DUOX1: variants seen among roughly 807,000 people sequenced by gnomAD.
DUOX1 encodes NADPH thyroid oxidase 1.
In DUOX1, 134 loss-of-function variants were observed where a neutral mutation model predicts 181.8. That is an observed-to-expected ratio of 0.74 (90% CI 0.64 to 0.85). The LOEUF (loss-of-function observed/expected upper bound fraction) is 0.85, where lower values mean the gene tolerates loss of function less well. DUOX1 is among the 40% of genes least tolerant of loss of function. The pLI is 0.00. For missense variants in DUOX1, 1,814 were observed against 2,064.4 expected (o/e 0.88, Z 2.35); for synonymous variants, 798 against 832.5 (o/e 0.96, Z 0.71).
intron 25 of DUOX1, chr15:45,152,771 A>G (rs1238456903): frequency 6.9e-6 from 4 of 580,440 alleles, no homozygotes; most frequent in African/African-American, 5.6e-5. Context: ...ATGAGTGTGC[A>G]TAATGTGTCA....
chr15:45,159,892 C>T (rs780972951), intron 28 of DUOX1, among the ~76,000 whole-genome samples: 1 of 152,164 alleles, frequency 6.6e-6, no homozygotes, highest in African/African-American at 2.4e-5. Context: ...CGGTGGCTCA[C>T]ACCTGTAATC....
chr15:45,146,791 C>T (rs930064014), intron 18 of DUOX1, among the ~76,000 whole-genome samples: 1 of 152,186 alleles, frequency 6.6e-6, no homozygotes, highest in Non-Finnish European at 1.5e-5. Flanking sequence ...GCAGGAAAGA[C>T]AGGTACTGTG....
At position 45,141,737 on chromosome 15, in the gene DUOX1, A is replaced by G. The variant is rs1896496587; in HGVS notation, c.1685-238A>G. Among the ~76,000 whole-genome samples the G allele has an allele frequency of 4.9e-5, 7 of 142,704 alleles. No homozygotes were observed. In the Admixed American group the frequency reaches 5.0e-4, roughly 10 times the overall value. The allele number at this position is 142,704 out of a possible 152,430, so 93.6% of individuals were successfully genotyped here. A position where few individuals can be genotyped will look rare whatever the true frequency, so the allele number is the denominator to read the frequency against. On this transcript the variant is annotated intron_variant, in intron 14 of 33. Coordinates refer to ENST00000389037, the MANE Select transcript of DUOX1 (RefSeq NM_175940.3). ...TGCAGTGAGGATATCCCAACCCTAC[A>G]GCAGTGAGGGAAGCGTGTGTGTGTG... is the stretch of plus-strand genomic sequence containing the variant.
intron 12 of DUOX1, chr15:45,139,977 C>T (rs1381778647): frequency 1.1e-6 from 1 of 899,342 alleles, no homozygotes; most frequent in Non-Finnish European, 1.7e-6. Context: ...TCAGCTGTTA[C>T]ACCCTGAGCT....
Position 45,163,780 on chromosome 15 carries a change from C to T in DUOX1, c.4405-10C>T, listed in dbSNP as rs775436881. ...CTGGCTGAACTTTGTTCCACCCTTC[C>T]CTACCATAGTACATCTGTGAGCGGC... On this transcript the variant is annotated splice_polypyrimidine_tract_variant and intron_variant, in intron 32 of 33. Coordinates refer to ENST00000389037, the MANE Select transcript of DUOX1 (RefSeq NM_175940.3). 1 of 1,613,976 alleles carries T rather than the reference C, an allele frequency of 6.2e-7. No homozygotes were observed. The highest frequency in any genetic ancestry group is 8.5e-7 in the Non-Finnish European group (1 of 1,179,898).
chr15:45,162,036 C>T lies in DUOX1; in HGVS notation c.4089+66C>T, dbSNP rs1047103235. On this transcript the variant is annotated intron_variant, in intron 30 of 33. Transcript: ENST00000389037. Reference sequence around the variant, plus strand: ...CCCTTTGAAGGCTTTGGCCCGGCAGCACTAGACTCCCCGCTCTGTGCCTCC... The same window carrying T: ...CCCTTTGAAGGCTTTGGCCCGGCAGTACTAGACTCCCCGCTCTGTGCCTCC... The T allele has an allele frequency of 9.3e-6, 14 of 1,506,350 alleles. No individual in the cohort carries two copies. In the African/African-American group the frequency reaches 1.9e-4, roughly 21 times the overall value. 93.3% of individuals were successfully genotyped at this position (1,506,350 alleles called of 1,614,324 possible).
chr15:45,134,968 G>C, intron 4 of DUOX1, 136 bp from the exon 5 acceptor site: 1 of 967,564 alleles, frequency 1.0e-6, no homozygotes, highest in East Asian at 2.7e-5. Context: ...GAGTGCCTAA[G>C]GTCAGGGCTT....
At chr15:45,151,404 G>A (rs1896799243) in intron 23 of DUOX1, among the ~76,000 whole-genome samples, 156 bp downstream of exon 23, 1 of 152,138 alleles carries the variant, frequency 6.6e-6, no homozygotes, top group Non-Finnish European at 1.5e-5. Flanking sequence ...AAGAGAATCT[G>A]GTACACTGAT....
In DUOX1 at chr15:45,148,667, A is replaced by G. The variant is rs546483057; in HGVS notation, c.2818+220A>G. ...TTTTAAAATATTATTTTTTATTTTT[A>G]TGGAGGAAAGGACCCAAAAAGGTGA... is the stretch of plus-strand genomic sequence containing the variant. On this transcript the variant is annotated intron_variant, in intron 21 of 33. Coordinates refer to ENST00000389037, the MANE Select transcript of DUOX1 (RefSeq NM_175940.3). 3 of 275,800 alleles carry G rather than the reference A, an allele frequency of 1.1e-5. No individual in the cohort carries two copies. The East Asian group carries it at 3.1e-4, about 29-fold the overall frequency. 17.1% of individuals were successfully genotyped at this position (275,800 alleles called of 1,614,324 possible). A position where few individuals can be genotyped will look rare whatever the true frequency, so the allele number is the denominator to read the frequency against.
Position 45,144,065 on chromosome 15 carries a change from T to C in DUOX1, c.1966T>C (p.Cys656Arg), listed in dbSNP as rs1399580459. 6.2e-7 allele frequency: 1 copy of C among 1,613,930 alleles called. No individual in the cohort carries two copies. Among genetic ancestry groups the C allele is most frequent in the African/African-American group, 1.3e-5 (1 of 74,940 alleles). The change falls in exon 17 of 34, where the codon TGC (cysteine) becomes CGC (arginine). Residue 656 changes from cysteine to arginine, a missense_variant. By Grantham distance (180) the Cys-to-Arg change is radical. This residue lies in a region of DUOX1 where 1,064 missense variants were observed against 1,152.9 expected (regional missense o/e 0.92). Transcript: ENST00000389037. ...ALEWQGHKEP[C>R]RPVLVYLQPG... is the part of the protein sequence containing the mutation. ...GGAATGGCAAGGCCACAAGGAGCCC[T>C]GCCGGCCCGTGCTTGTGTACCTGCA...
chr15:45,141,316 A>G lies in DUOX1; in HGVS notation c.1590A>G (p.Glu530=). ...GGCTGTTCTCCAAGAAGGAGATTGA[A>G]GAAATCCGAAATACCACCCTGCAGG... ...RNGLFSKKEI[E]EIRNTTLQDV... Residue 530 remains glutamate, a synonymous_variant, in exon 14 of 34, where the codon GAA becomes GAG. Transcript: ENST00000389037. 6.2e-7 allele frequency: 1 copy of G among 1,614,226 alleles called. No individual in the cohort carries two copies. The highest frequency in any genetic ancestry group is 2.2e-5 in the East Asian group (1 of 44,876).
intron 27 of DUOX1, chr15:45,155,511 A>G: frequency 3.1e-6 from 1 of 327,084 alleles, no homozygotes; most frequent in Non-Finnish European, 5.6e-6. Flanking sequence ...GGTTGCAGTG[A>G]GCCGAGATTG....
Position 45,161,780 on chromosome 15 carries a change from A to G in DUOX1, c.3899A>G (p.Tyr1300Cys). 1.9e-6 allele frequency: 3 copies of G among 1,613,896 alleles called. No homozygotes were observed. The highest frequency in any genetic ancestry group is 2.5e-6 in the Non-Finnish European group (3 of 1,179,984). The change falls in exon 30 of 34, where the codon TAC (tyrosine) becomes TGC (cysteine). Residue 1300 changes from tyrosine (Y) to cysteine (C), a missense_variant. Tyr to Cys is a radical substitution (Grantham distance 194). Around this residue, in one of 5 missense-constraint regions of DUOX1, gnomAD observed 279 missense variants for 381.9 expected, o/e 0.73. Coordinates refer to ENST00000389037, the MANE Select transcript of DUOX1 (RefSeq NM_175940.3). ...LRFQRPQGFEYKSGQWVRIAC... is the reference protein window; with the variant it reads ...LRFQRPQGFECKSGQWVRIAC... ...TTCCAGCGGCCCCAGGGCTTTGAGT[A>G]CAAGTCAGGGCAGTGGGTGCGGATC...
chr15:45,151,779 C>G (rs1896809911), intron 23 of DUOX1, 95 bp from the exon 24 acceptor site: 1 of 1,305,898 alleles, frequency 7.7e-7, no homozygotes, highest in East Asian at 2.3e-5. Flanking sequence ...CAGTGGGCTT[C>G]CCTCACTTCT....
At chr15:45,141,888 C>A (rs1177110167) in intron 14 of DUOX1, 87 bp from the exon 15 acceptor site, 2 of 1,490,622 alleles carry the variant, frequency 1.3e-6, no homozygotes, top group Admixed American at 2.1e-5. Flanking sequence ...GCCCCCACCC[C>A]CTTTCTGCCA....
Position 45,152,044 on chromosome 15 carries a change from G to C in DUOX1, c.3185G>C (p.Arg1062Thr), listed in dbSNP as rs1182151451. The C allele has an allele frequency of 1.2e-6, 2 of 1,613,552 alleles. No individual in the cohort carries two copies. Among genetic ancestry groups the C allele is most frequent in the Non-Finnish European group, 1.7e-6 (2 of 1,179,710 alleles). The stretch of plus-strand genomic sequence containing the variant: ...ATCGCTGGGGGGCTTTTCCTGGAGA[G>C]GGCCTACTGTGAGTGACTTTACTTA... ...YAIAGGLFLE[R>T]AYYYAFAAHH... Residue 1062 changes from arginine (R) to threonine (T), a missense_variant, in exon 24 of 34, where the codon AGG becomes ACG. Arg to Thr is a moderately conservative substitution (Grantham distance 71). Transcript: ENST00000389037.
At position 45,139,186 on chromosome 15, in the gene DUOX1, C is replaced by T; in HGVS notation, c.1216+18C>T. ...TGTGCGGGGTGAGTCTGAGGCTGTCCCTGCAGGTTGTGAACTCCTGGCCTC... is the reference window on the plus strand; with the variant it reads ...TGTGCGGGGTGAGTCTGAGGCTGTCTCTGCAGGTTGTGAACTCCTGGCCTC... On this transcript the variant is annotated intron_variant, in intron 11 of 33. Transcript: ENST00000389037. 6.2e-7 allele frequency: 1 copy of T among 1,614,002 alleles called. No homozygotes were observed. Among genetic ancestry groups the T allele is most frequent in the Non-Finnish European group, 8.5e-7 (1 of 1,179,992 alleles).
In DUOX1 at chr15:45,162,397, C is replaced by G. The variant is rs1274161683; in HGVS notation, c.4248+20C>G. ...AAGAAGGTGAGTACTGCCCCCACTT[C>G]CCACCAACCCATGGCCCCTTCTTCC... On this transcript the variant is annotated intron_variant, in intron 31 of 33. Coordinates refer to ENST00000389037, the MANE Select transcript of DUOX1 (RefSeq NM_175940.3). 6.2e-7 allele frequency: 1 copy of G among 1,608,190 alleles called. No individual in the cohort carries two copies.
At chr15:45,155,452 G>C in intron 27 of DUOX1, 1 of 233,686 alleles carries the variant, frequency 4.3e-6, no homozygotes, top group Non-Finnish European at 8.4e-6. Flanking sequence ...TTTAGTTCCA[G>C]CTACTCAGGA....
Sources: gnomAD v4.1 joint callset for allele counts (sites outside exome capture counted in the v4.1 genomes callset) on GRCh38, gnomAD v4.1.1 for gene constraint, gnomAD v4.1.1 regional missense constraint, MANE v1.5 for transcripts, NCBI Gene and HGNC (gene_info 2026-07-23, HGNC 2026-07-21) for gene names.